FGF14: variants seen among roughly 807,000 people sequenced by gnomAD.
FGF14 encodes fibroblast growth factor 14.
A neutral mutation model predicts 25.5 loss-of-function variants in FGF14; 5 were observed. The observed-to-expected ratio is 0.20, with a 90% confidence interval of 0.10 to 0.41. The LOEUF (loss-of-function observed/expected upper bound fraction) is 0.41, where lower values mean the gene tolerates loss of function less well. Among genes scored for constraint, FGF14 ranks in the 10% least tolerant of loss-of-function variants. The probability of loss-of-function intolerance (pLI) is 1.00; values close to 1 mark genes in which losing one functional copy is unlikely to be tolerated. For missense variants in FGF14, 222 were observed against 320.1 expected (o/e 0.69, Z 2.34); for synonymous variants, 138 against 118.3 (o/e 1.17, Z -1.08).
chr13:102,343,715 A>G (rs531162109), intron 1 of FGF14, among the ~76,000 whole-genome samples: 16 of 152,206 alleles, frequency 1.1e-4, no homozygotes, highest in Non-Finnish European at 2.2e-4. Flanking sequence ...TCTCACATTC[A>G]TATTGCCTCT....
chr13:102,241,779 G>T (rs540730295), intron 1 of FGF14, among the ~76,000 whole-genome samples: 4 of 152,214 alleles, frequency 2.6e-5, no homozygotes, highest in African/African-American at 2.4e-5. Context: ...AAACCACTGG[G>T]GACAAGGTTT....
chr13:102,158,670 TA>T (rs990288213), intron 1 of FGF14, among the ~76,000 whole-genome samples: 244 of 146,578 alleles, frequency 1.7e-3, no homozygotes, highest in African/African-American at 4.7e-3. Context: ...TAAAGTATAA[TA>T]AAAAAAAAAA....
chr13:101,749,122 A>G (rs536449414), intron 3 of FGF14, among the ~76,000 whole-genome samples: 37 of 152,270 alleles, frequency 2.4e-4, no homozygotes, highest in Non-Finnish European at 4.6e-4. Context: ...ATTCATAGAA[A>G]CAAATTAGAA....
intron 1 of FGF14, among the ~76,000 whole-genome samples, chr13:102,016,093 T>C (rs1444404873): frequency 6.6e-6 from 1 of 152,104 alleles, no homozygotes; most frequent in Non-Finnish European, 1.5e-5. Flanking sequence ...CAACTTGCAT[T>C]TGAGTGGCCA....
chr13:102,241,780 G>T (rs2051615727), intron 1 of FGF14, among the ~76,000 whole-genome samples: 1 of 152,114 alleles, frequency 6.6e-6, no homozygotes, highest in East Asian at 1.9e-4. Flanking sequence ...AACCACTGGG[G>T]ACAAGGTTTT....
At chr13:102,179,523 A>G (rs2048582975) in intron 1 of FGF14, among the ~76,000 whole-genome samples, 1 of 152,106 alleles carries the variant, frequency 6.6e-6, no homozygotes, top group African/African-American at 2.4e-5. Context: ...TACTCATAAT[A>G]AACAAACAGA....
intron 1 of FGF14, among the ~76,000 whole-genome samples, chr13:102,050,736 C>G (rs956837818): frequency 2.0e-5 from 3 of 151,994 alleles, no homozygotes; most frequent in Admixed American, 6.6e-5. Context: ...CCAGGGAAAG[C>G]TCAAGGGCTC....
chr13:101,886,582 C>T (rs919103767), intron 1 of FGF14, among the ~76,000 whole-genome samples: 5 of 152,096 alleles, frequency 3.3e-5, no homozygotes, highest in African/African-American at 1.2e-4. Context: ...AGACCTGAAA[C>T]TTTAAAACTA....
chr13:101,789,531 A>G (rs532439989), intron 3 of FGF14, among the ~76,000 whole-genome samples: 1 of 152,248 alleles, frequency 6.6e-6, no homozygotes, highest in Non-Finnish European at 1.5e-5. Flanking sequence ...AGATTCTCTG[A>G]CCATCATAAA....
chr13:102,361,117 A>G (rs1033520568), intron 1 of FGF14, among the ~76,000 whole-genome samples: 1 of 152,208 alleles, frequency 6.6e-6, no homozygotes, highest in African/African-American at 2.4e-5. Context: ...TTAAAAAGTT[A>G]TATAATACAG....
Position 101,916,507 on chromosome 13 carries a change from T to C in FGF14, c.139A>G (p.Ile47Val), listed in dbSNP as rs1313197768. 13 of 1,613,792 alleles carry C rather than the reference T, an allele frequency of 8.1e-6. No individual in the cohort carries two copies. In the Admixed American group the frequency reaches 1.0e-4, roughly 12 times the overall value. ...CCGAAGATGCGCACTTTGGAGAAGATATCCACCAGGTTGCCGTTGCAGAGC... is the reference window on the plus strand; with the variant it reads ...CCGAAGATGCGCACTTTGGAGAAGACATCCACCAGGTTGCCGTTGCAGAGC... ...RGLCNGNLVD[I>V]FSKVRIFGLK... The change falls in exon 1 of 5, where the codon ATC (isoleucine) becomes GTC (valine). Residue 47 changes from isoleucine to valine, a missense_variant. Coordinates refer to ENST00000376143, the MANE Select transcript of FGF14 (RefSeq NM_004115.4).
At chr13:102,090,284 T>A (rs1219013713) in intron 1 of FGF14, among the ~76,000 whole-genome samples, 2 of 152,210 alleles carry the variant, frequency 1.3e-5, no homozygotes, top group African/African-American at 4.8e-5. Flanking sequence ...ATAATTGTAC[T>A]ACTTGCAAAA....
At chr13:101,778,643 G>A (rs563329504) in intron 3 of FGF14, among the ~76,000 whole-genome samples, 1 of 152,092 alleles carries the variant, frequency 6.6e-6, no homozygotes, top group African/African-American at 2.4e-5. Context: ...GTCCTTTTAG[G>A]TTCTGCCCCA....
At chr13:102,232,458 T>A (rs6491673) in intron 1 of FGF14, among the ~76,000 whole-genome samples, 124,854 of 152,228 alleles carry the variant, frequency 0.82, 51,817 homozygotes, top group African/African-American at 0.95. Flanking sequence ...TATTTATTGC[T>A]AATAAAACTA....
chr13:101,715,414 A>G lies in FGF14; in HGVS notation c.*7417T>C. On this transcript the variant is annotated 3_prime_UTR_variant, in exon 5 of 5. Transcript: ENST00000376143. ...TTAGATGTCTCGCAGCTGCTTAATA[A>G]GATGTAATAATAACATCATTGCACA... 1 of 660,976 alleles carries G rather than the reference A, an allele frequency of 1.5e-6. No homozygotes were observed. The highest frequency in any genetic ancestry group is 2.7e-6 in the Non-Finnish European group (1 of 367,086). The allele number at this position is 660,976 out of a possible 1,614,324, so 40.9% of individuals were successfully genotyped here.
intron 1 of FGF14, among the ~76,000 whole-genome samples, chr13:102,028,821 G>C (rs1313553736): frequency 1.3e-5 from 2 of 151,880 alleles, no homozygotes; most frequent in African/African-American, 4.8e-5. Context: ...TTAACTTTTT[G>C]CCTAGTGAAT....
chr13:102,401,412 G>C, intron 1 of FGF14: 3 of 1,508,916 alleles, frequency 2.0e-6, no homozygotes, highest in Non-Finnish European at 2.8e-6. Flanking sequence ...GATCTAGCTC[G>C]ATGAGCAACA....
intron 1 of FGF14, among the ~76,000 whole-genome samples, chr13:102,341,975 A>G (rs1178815697): frequency 6.6e-6 from 1 of 152,182 alleles, no homozygotes; most frequent in Non-Finnish European, 1.5e-5. Context: ...CTCCTAAGCT[A>G]CAGGGAAACA....
upstream of FGF14, among the ~76,000 whole-genome samples, chr13:101,919,420 G>A (rs1035882480): frequency 3.3e-5 from 5 of 151,678 alleles, no homozygotes; most frequent in African/African-American, 1.2e-4. Flanking sequence ...TAAGCCTTTT[G>A]ATGTATGTGC....
Sources: allele counts gnomAD v4.1 joint callset (sites outside exome capture counted in the v4.1 genomes callset), GRCh38; gene constraint gnomAD v4.1.1; transcripts MANE v1.5; gene names NCBI Gene and HGNC (gene_info 2026-07-23, HGNC 2026-07-21).